KATNIP: variants seen among roughly 807,000 people sequenced by gnomAD.
KATNIP encodes the protein katanin-interacting protein.
In KATNIP, 126 loss-of-function variants were observed where a neutral mutation model predicts 174.0. The observed-to-expected ratio is 0.72, with a 90% confidence interval of 0.63 to 0.84. The LOEUF is 0.84. KATNIP is among the 40% of genes least tolerant of loss of function. The pLI is 0.00. For synonymous variants in KATNIP, 810 were observed against 835.7 expected, an observed-to-expected ratio of 0.97 and a Z score of 0.53; for missense variants, 1,958 against 2,109.7, an observed-to-expected ratio of 0.93 and a Z score of 1.41.
At chr16:27,713,809 CATATATATAT>C (rs60005285) in intron 13 of KATNIP, among the ~76,000 whole-genome samples, 269 of 33,338 alleles carry the variant, frequency 8.1e-3, no homozygotes, top group South Asian at 0.01. Flanking sequence ...TGTGTATATA[CATATATATAT>C]ATATATATAT....
chr16:27,591,179 C>T (rs1284826828), intron 2 of KATNIP, among the ~76,000 whole-genome samples: 3 of 151,882 alleles, frequency 2.0e-5, no homozygotes, highest in Admixed American at 1.3e-4. Context: ...AATGGAGTTG[C>T]ACTTTCTTTC....
chr16:27,555,611 G>A (rs533094485), intron 1 of KATNIP, among the ~76,000 whole-genome samples: 28 of 150,970 alleles, frequency 1.9e-4, no homozygotes, highest in Admixed American at 2.0e-4. Flanking sequence ...GAGGCAGGCA[G>A]ATCACCTGAG....
At chr16:27,724,214 G>A (rs1345507732) in intron 14 of KATNIP, among the ~76,000 whole-genome samples, 1 of 152,118 alleles carries the variant, frequency 6.6e-6, no homozygotes, top group South Asian at 2.1e-4. Flanking sequence ...GGCACACTAA[G>A]AGCTTCTGGG....
chr16:27,596,877 G>A (rs986187280), intron 2 of KATNIP, among the ~76,000 whole-genome samples: 6 of 152,158 alleles, frequency 3.9e-5, no homozygotes, highest in Non-Finnish European at 7.3e-5. Flanking sequence ...ACAAAAATTG[G>A]CTGGGAGTGG....
chr16:27,650,023 A>AT (rs1433798012), intron 6 of KATNIP, among the ~76,000 whole-genome samples: 1 of 152,148 alleles, frequency 6.6e-6, no homozygotes, highest in African/African-American at 2.4e-5. Context: ...TAATACAAAA[A>AT]TTAGCTGGGC....
Position 27,677,906 on chromosome 16 carries a change from A to G in KATNIP, c.718A>G (p.Lys240Glu), listed in dbSNP as rs1223744314. The change falls in exon 7 of 28, where the codon AAA (lysine) becomes GAA (glutamate). Residue 240 changes from lysine (K) to glutamate (E), a missense_variant. Transcript: ENST00000261588. ...RPPSSGDWTQ[K>E]DVHGEQETEG... is the part of the protein sequence containing the mutation. ...TCCTTCCAGTGGCGACTGGACTCAG[A>G]AAGATGTTCACGGGGAACAGGAGAC... 6.2e-7 allele frequency: 1 copy of G among 1,614,136 alleles called. No individual in the cohort carries two copies.
At chr16:27,760,751 C>T (rs925857702) in intron 18 of KATNIP, among the ~76,000 whole-genome samples, 5 of 152,084 alleles carry the variant, frequency 3.3e-5, no homozygotes, top group East Asian at 1.9e-4. Flanking sequence ...AGGCATCTGG[C>T]GGGGCAAGTG....
intron 8 of KATNIP, among the ~76,000 whole-genome samples, chr16:27,698,122 C>A (rs907206830): frequency 1.8e-4 from 28 of 151,798 alleles, no homozygotes; most frequent in African/African-American, 5.8e-4. Flanking sequence ...AGGACCAAGT[C>A]CCCCCAGGGC....
At chr16:27,607,181 G>A (rs897967034) in intron 2 of KATNIP, among the ~76,000 whole-genome samples, 1 of 152,174 alleles carries the variant, frequency 6.6e-6, no homozygotes, top group Non-Finnish European at 1.5e-5. Flanking sequence ...CCCACGCCAC[G>A]TGGACTGAGA....
chr16:27,571,985 G>A (rs1353912070), intron 1 of KATNIP, among the ~76,000 whole-genome samples: 2 of 151,908 alleles, frequency 1.3e-5, no homozygotes, highest in African/African-American at 4.8e-5. Context: ...CTAAATCCTG[G>A]GGGTGTGTGT....
At chr16:27,550,406 C>T (rs549586268) in intron 1 of KATNIP, among the ~76,000 whole-genome samples, 4 of 152,160 alleles carry the variant, frequency 2.6e-5, no homozygotes, top group African/African-American at 9.6e-5. Context: ...TGAAGGAAAC[C>T]GGTACTGGCC....
chr16:27,574,745 G>A (rs1259586659), intron 2 of KATNIP, among the ~76,000 whole-genome samples: 3 of 151,680 alleles, frequency 2.0e-5, no homozygotes, highest in African/African-American at 7.3e-5. Flanking sequence ...TGTATTTTTA[G>A]TAGAGATGGG....
chr16:27,766,288 G>T (rs749305453), intron 19 of KATNIP, 21 bp from the exon 20 acceptor site: 2 of 1,612,332 alleles, frequency 1.2e-6, no homozygotes, highest in South Asian at 1.1e-5. Flanking sequence ...CCCCCCTGCC[G>T]CTCCGTCCCC....
intron 6 of KATNIP, among the ~76,000 whole-genome samples, chr16:27,676,478 A>G (rs575724199): frequency 2.0e-5 from 3 of 152,154 alleles, no homozygotes; most frequent in Non-Finnish European, 2.9e-5. Flanking sequence ...CACAGGTTCT[A>G]GGGATTAGGA....
chr16:27,563,891 TAA>T (rs58505514), intron 1 of KATNIP, among the ~76,000 whole-genome samples: 3 of 66,708 alleles, frequency 4.5e-5, no homozygotes, highest in Non-Finnish European at 7.5e-5. Context: ...TCTAGTAAAT[TAA>T]AAAAAAAAAA....
intron 8 of KATNIP, 128 bp from the exon 9 acceptor site, chr16:27,698,200 G>A (rs915332651): frequency 4.0e-5 from 39 of 965,884 alleles, no homozygotes; most frequent in East Asian, 1.5e-4. Flanking sequence ...GTCTTTTACC[G>A]CCTTGACATT....
In KATNIP at chr16:27,721,624, C is replaced by G. The variant is rs757493420; in HGVS notation, c.1672C>G (p.Arg558Gly). The G allele has an allele frequency of 1.2e-6, 2 of 1,614,122 alleles. No individual in the cohort carries two copies. Among genetic ancestry groups the G allele is most frequent in the Admixed American group, 1.7e-5 (1 of 60,010 alleles). The change falls in exon 14 of 28, where the codon CGA (arginine) becomes GGA (glycine). Residue 558 changes from arginine to glycine, a missense_variant. By Grantham distance (125) the Arg-to-Gly change is moderately radical (BLOSUM62 -2). Coordinates refer to ENST00000261588, the MANE Select transcript of KATNIP (RefSeq NM_015202.5). ...HPPLQLFFVI[R>G]NTRQLGDFHL... Reference sequence around the variant, plus strand: ...ACCACTCCAGCTGTTTTTTGTTATTCGAAACACAAGACAGCTGGGGGACTT... The same window carrying G: ...ACCACTCCAGCTGTTTTTTGTTATTGGAAACACAAGACAGCTGGGGGACTT...
At chr16:27,668,121 G>T (rs984604002) in intron 6 of KATNIP, among the ~76,000 whole-genome samples, 1 of 152,190 alleles carries the variant, frequency 6.6e-6, no homozygotes, top group African/African-American at 2.4e-5. Flanking sequence ...CAGTCACTGT[G>T]CCCCTGACTT....
intron 2 of KATNIP, among the ~76,000 whole-genome samples, chr16:27,590,348 T>A (rs2075125730): frequency 6.6e-6 from 1 of 151,914 alleles, no homozygotes; most frequent in Non-Finnish European, 1.5e-5. Flanking sequence ...TTCTTTTTTT[T>A]TTTATTTATA....
Sources: gnomAD v4.1 joint callset for allele counts (sites outside exome capture counted in the v4.1 genomes callset) on GRCh38, gnomAD v4.1.1 for gene constraint, MANE v1.5 for transcripts, NCBI Gene and HGNC (gene_info 2026-07-23, HGNC 2026-07-21) for gene names.